Variants in AAK1 observed in about 807,000 individuals in gnomAD.
The protein encoded by AAK1 is AP2-associated protein kinase 1.
Under a neutral mutation model 116.0 loss-of-function variants are expected in AAK1, and 37 were observed. That is an observed-to-expected ratio of 0.32 (90% confidence interval 0.25 to 0.42). The LOEUF (loss-of-function observed/expected upper bound fraction) is 0.42. Ranked by LOEUF, AAK1 falls within the 10% of genes least tolerant of loss-of-function variation. The pLI, the probability that AAK1 is intolerant of heterozygous loss-of-function variation, is 1.00. For missense variants in AAK1, 919 were observed against 1,170.6 expected, an observed-to-expected ratio of 0.79 and a Z score of 3.14; for synonymous variants, 458 against 439.9, an observed-to-expected ratio of 1.04 and a Z score of -0.51.
In AAK1 at chr2:69,462,932, G is replaced by C. The variant is rs1365614206; in HGVS notation, c.*12937C>G. ...AACATTTAGCATCCACCAAAGTGAA[G>C]GACATAGGTTTCTGGCACAGTTGAA... On this transcript the variant is annotated 3_prime_UTR_variant, in exon 22 of 22. Coordinates refer to ENST00000409085, the MANE Select transcript of AAK1 (RefSeq NM_014911.5). The C allele has an allele frequency of 6.6e-6, 1 of 152,232 alleles. No individual in the cohort carries two copies. The highest frequency in any genetic ancestry group is 2.4e-5 in the African/African-American group (1 of 41,464). 9.4% of individuals were successfully genotyped at this position (152,232 alleles called of 1,614,324 possible). A position where few individuals can be genotyped will look rare whatever the true frequency, so the allele number is the denominator to read the frequency against.
At chr2:69,528,766 G>A (rs1670122877) in intron 8 of AAK1, among the ~76,000 whole-genome samples, 1 of 152,026 alleles carries the variant, frequency 6.6e-6, no homozygotes, top group Non-Finnish European at 1.5e-5. Context: ...AGATGTCCAT[G>A]GTATAGACAT....
intron 2 of AAK1, among the ~76,000 whole-genome samples, chr2:69,562,822 G>A (rs1242622741): frequency 3.9e-5 from 6 of 152,156 alleles, no homozygotes; most frequent in Admixed American, 1.3e-4. Flanking sequence ...CCTGGGAGGC[G>A]GAGGTTGCAG....
intron 16 of AAK1, chr2:69,500,231 T>C (rs1489605812): frequency 6.6e-6 from 1 of 152,120 alleles, no homozygotes; most frequent in Non-Finnish European, 1.5e-5. Context: ...AGCAAATGAG[T>C]TCCTGGGATC....
Position 69,522,893 on chromosome 2 carries a change from T to G in AAK1, c.1056-1905A>C, listed in dbSNP as rs77313485. Among the ~76,000 whole-genome samples the G allele has an allele frequency of 7.8e-3, 1,190 of 152,202 alleles. 14 individuals are homozygous for G. Among genetic ancestry groups the G allele is most frequent in the African/African-American group, 0.027 (1,130 of 41,526 alleles). On this transcript the variant is annotated intron_variant, in intron 10 of 21. Coordinates refer to ENST00000409085, the MANE Select transcript of AAK1 (RefSeq NM_014911.5). ...AAACCCAAACAGCACAACCTCCATG[T>G]TGATCATCTCTTGAGGGGAACATAT...
chr2:69,624,668 G>A (rs1175311818), intron 2 of AAK1, among the ~76,000 whole-genome samples: 1 of 152,134 alleles, frequency 6.6e-6, no homozygotes, highest in African/African-American at 2.4e-5. Context: ...AGATTATACA[G>A]TATATGGAAC....
rs148761429 is a variant in AAK1 at position 69,571,947 on chromosome 2, C to T, written c.164-14969G>A. ...ACCTGGGATTATCAGAAAGCAATCA[C>T]AGAGAAGAGGATTAAGCCCTCAAAC... On this transcript the variant is annotated intron_variant, in intron 2 of 21. Coordinates refer to ENST00000409085, the MANE Select transcript of AAK1 (RefSeq NM_014911.5). Among the ~76,000 whole-genome samples the T allele has an allele frequency of 1.1e-3, 172 of 152,312 alleles. 1 individual carries two copies. The highest frequency in any genetic ancestry group is 4.1e-3 in the African/African-American group (171 of 41,572).
At chr2:69,525,610 C>A (rs531513792) in intron 9 of AAK1, among the ~76,000 whole-genome samples, 1 of 152,322 alleles carries the variant, frequency 6.6e-6, no homozygotes, top group East Asian at 1.9e-4. Context: ...TGTATGGCTG[C>A]TGAGCCAGTA....
chr2:69,621,264 T>G (rs1430718428), intron 2 of AAK1, among the ~76,000 whole-genome samples: 1 of 152,052 alleles, frequency 6.6e-6, no homozygotes, highest in East Asian at 1.9e-4. Flanking sequence ...TCACCTGAGG[T>G]CGGGAGTTCG....
At chr2:69,588,635 T>G (rs1163276159) in intron 2 of AAK1, among the ~76,000 whole-genome samples, 1 of 152,208 alleles carries the variant, frequency 6.6e-6, no homozygotes, top group Non-Finnish European at 1.5e-5. Context: ...GCTAATTGCA[T>G]CATTTTGTTA....
intron 2 of AAK1, among the ~76,000 whole-genome samples, chr2:69,590,081 A>C (rs770770350): frequency 1.3e-5 from 2 of 152,218 alleles, no homozygotes; most frequent in Non-Finnish European, 2.9e-5. Flanking sequence ...CCAGACAGGA[A>C]GATAAGCTGG....
At position 69,587,390 on chromosome 2, in the gene AAK1, CGT is replaced by C. The variant is rs1377696180; in HGVS notation, c.164-30414_164-30413del. Among the ~76,000 whole-genome samples, 34 of 149,798 alleles carry C rather than the reference CGT, an allele frequency of 2.3e-4. 4 individuals carry two copies. The highest frequency in any genetic ancestry group is 2.1e-3 in the Admixed American group (31 of 15,114). On this transcript the variant is annotated intron_variant, in intron 2 of 21. Coordinates refer to ENST00000409085, the MANE Select transcript of AAK1 (RefSeq NM_014911.5). ...GTGTACACACACATATATACACACA[CGT>C]GTGTACATATATACACATGTGTATA...
rs1674811858 is a variant in AAK1 at position 69,475,294 on chromosome 2, T to C, written c.*575A>G. 3.0e-6 allele frequency: 3 copies of C among 985,908 alleles called. No homozygotes were observed. The highest frequency in any genetic ancestry group is 3.6e-6 in the Non-Finnish European group (3 of 830,046). 61.1% of individuals were successfully genotyped at this position (985,908 alleles called of 1,614,324 possible). On this transcript the variant is annotated 3_prime_UTR_variant, in exon 22 of 22. Coordinates refer to ENST00000409085, the MANE Select transcript of AAK1 (RefSeq NM_014911.5). ...TGGCTAGAGCTGGGCTCAATTTCTC[T>C]TCTCAAATATATACTACCAGTCAGT... is the stretch of plus-strand genomic sequence containing the variant.
At chr2:69,492,719 T>TCC (rs1354968525) in intron 17 of AAK1, among the ~76,000 whole-genome samples, 1 of 148,498 alleles carries the variant, frequency 6.7e-6, no homozygotes, top group Non-Finnish European at 1.5e-5. Context: ...GACAGGGATT[T>TCC]CATCGTATTG....
At chr2:69,530,212 C>T in intron 7 of AAK1, 72 bp from the exon 8 acceptor site, 5 of 1,449,876 alleles carry the variant, frequency 3.4e-6, no homozygotes, top group Non-Finnish European at 4.6e-6. Context: ...TAATGAGAAA[C>T]TGGCACCATC....
intron 2 of AAK1, among the ~76,000 whole-genome samples, chr2:69,574,197 C>G (rs1356135848): frequency 6.6e-6 from 1 of 150,958 alleles, no homozygotes; most frequent in Non-Finnish European, 1.5e-5. Flanking sequence ...ACAGTGAAAC[C>G]CCATCTCTAC....
At chr2:69,549,242 G>A (rs1453969810) in intron 3 of AAK1, among the ~76,000 whole-genome samples, 2 of 151,688 alleles carry the variant, frequency 1.3e-5, no homozygotes, top group Admixed American at 6.6e-5. Context: ...GGTGGCATGC[G>A]CCTGTAGTCC....
intron 12 of AAK1, 140 bp downstream of exon 12, chr2:69,518,814 C>A: frequency 2.3e-6 from 3 of 1,304,820 alleles, no homozygotes; most frequent in Non-Finnish European, 3.1e-6. Context: ...GGATCCGCTT[C>A]TCAATGCTTT....
intron 1 of AAK1, 35 bp downstream of exon 1, chr2:69,643,540 G>A (rs2105283631): frequency 1.6e-6 from 2 of 1,227,266 alleles, no homozygotes; most frequent in Non-Finnish European, 2.0e-6. Context: ...GGGTCTCCCC[G>A]CCGCCCCTCG....
Position 69,547,177 on chromosome 2 carries a change from G to A in AAK1, c.283-2633C>T, listed in dbSNP as rs77956531. On this transcript the variant is annotated intron_variant, in intron 3 of 21. Coordinates refer to ENST00000409085, the MANE Select transcript of AAK1 (RefSeq NM_014911.5). ...TAAAAATCCCTCAAAGAAAACATAC[G>A]TGCAAATCTTTGTGACTTTAGATGA... 9.1e-3 allele frequency among the ~76,000 whole-genome samples: 1,388 copies of A among 152,176 alleles called. 19 individuals carry two copies. Among genetic ancestry groups the A allele is most frequent in the African/African-American group, 0.032 (1,315 of 41,518 alleles).
Sources: allele counts gnomAD v4.1 joint callset (sites outside exome capture counted in the v4.1 genomes callset), GRCh38; gene constraint gnomAD v4.1.1; transcripts MANE v1.5; gene names NCBI Gene and HGNC (gene_info 2026-07-23, HGNC 2026-07-21).